Variants in ADAMTSL3 observed in about 807,000 individuals in gnomAD.
The protein encoded by ADAMTSL3 is ADAMTS-like protein 3.
A neutral mutation model predicts 201.7 loss-of-function variants in ADAMTSL3; 128 were observed. That is an observed-to-expected ratio of 0.63 (90% confidence interval 0.55 to 0.73). The LOEUF is 0.73. ADAMTSL3 is among the 30% of genes least tolerant of loss of function. The pLI, the probability that ADAMTSL3 is intolerant of heterozygous loss-of-function variation, is 0.00. For synonymous variants in ADAMTSL3, 738 were observed against 748.4 expected, an observed-to-expected ratio of 0.99 and a Z score of 0.23; for missense variants, 1,990 against 2,119.6, an observed-to-expected ratio of 0.94 and a Z score of 1.20.
rs2065362660 is a variant in ADAMTSL3, at chr15:83,885,214, T to G, written c.1072+2T>G. ...CCTGCACTGTGACGTGTGGAGGAGGTGAGGCCCAGGCTTTGTTCATGAATA... is the reference window on the plus strand; with the variant it reads ...CCTGCACTGTGACGTGTGGAGGAGGGGAGGCCCAGGCTTTGTTCATGAATA... On this transcript the variant is annotated splice_donor_variant, in intron 10 of 29. Coordinates refer to ENST00000286744, the MANE Select transcript of ADAMTSL3 (RefSeq NM_207517.3). LOFTEE classifies it high-confidence loss of function. 1 of 1,601,574 alleles carries G rather than the reference T, an allele frequency of 6.2e-7. No homozygotes were observed. The highest frequency in any genetic ancestry group is 8.6e-7 in the Non-Finnish European group (1 of 1,168,906).
chr15:83,665,367 G>A (rs1340091873), intron 2 of ADAMTSL3, among the ~76,000 whole-genome samples: 2 of 152,146 alleles, frequency 1.3e-5, no homozygotes, highest in East Asian at 3.9e-4. Flanking sequence ...TCGGGGGAAG[G>A]TGAGGCACTG....
chr15:83,707,555 G>A (rs2073125564), intron 3 of ADAMTSL3, among the ~76,000 whole-genome samples: 1 of 152,116 alleles, frequency 6.6e-6, no homozygotes, highest in Admixed American at 6.5e-5. Flanking sequence ...TCAAGAAAAT[G>A]AACATTTCTA....
At chr15:83,736,104 TA>T (rs1366042937) in intron 3 of ADAMTSL3, among the ~76,000 whole-genome samples, 5 of 152,134 alleles carry the variant, frequency 3.3e-5, no homozygotes, top group Non-Finnish European at 7.3e-5. Flanking sequence ...CCACCCTGTG[TA>T]ATAAGCTAGT....
intron 19 of ADAMTSL3, among the ~76,000 whole-genome samples, chr15:83,970,112 T>TA (rs994865046): frequency 2.0e-5 from 3 of 149,990 alleles, no homozygotes; most frequent in Non-Finnish European, 4.4e-5. Context: ...AAAATGAAAA[T>TA]AAAAAATGAA....
intron 20 of ADAMTSL3, among the ~76,000 whole-genome samples, chr15:83,971,362 C>A (rs1158163184): frequency 6.6e-6 from 1 of 151,890 alleles, no homozygotes; most frequent in Non-Finnish European, 1.5e-5. Context: ...TCAAGACCAT[C>A]CTGGCTAACA....
intron 17 of ADAMTSL3, among the ~76,000 whole-genome samples, chr15:83,924,724 T>G (rs1338978499): frequency 6.6e-6 from 1 of 152,190 alleles, no homozygotes; most frequent in Admixed American, 6.5e-5. Context: ...GGGTGATAAC[T>G]GAACATCATT....
chr15:84,028,752 T>C (rs2068353336), intron 27 of ADAMTSL3, among the ~76,000 whole-genome samples: 1 of 152,180 alleles, frequency 6.6e-6, no homozygotes, highest in South Asian at 2.1e-4. Context: ...CCAGATCTCA[T>C]CTTGAATTAT....
intron 17 of ADAMTSL3, among the ~76,000 whole-genome samples, chr15:83,939,127 AC>A (rs2066510856): frequency 6.6e-6 from 1 of 152,130 alleles, no homozygotes; most frequent in South Asian, 2.1e-4. Context: ...CCTAGAATAA[AC>A]CCAGATTGGT....
At chr15:83,699,948 A>G (rs1343329652) in intron 2 of ADAMTSL3, among the ~76,000 whole-genome samples, 2 of 152,156 alleles carry the variant, frequency 1.3e-5, no homozygotes, top group Non-Finnish European at 2.9e-5. Context: ...AGAACTTAGA[A>G]TGTTAGTTTT....
At chr15:83,862,089 GA>G (rs1245298159) in intron 8 of ADAMTSL3, 1 of 152,112 alleles carries the variant, frequency 6.6e-6, no homozygotes, top group Non-Finnish European at 1.5e-5. Context: ...AAAAGAAATG[GA>G]CAAAGCATCC....
chr15:83,942,541 G>A, intron 17 of ADAMTSL3, 55 bp from the exon 18 acceptor site: 1 of 1,536,796 alleles, frequency 6.5e-7, no homozygotes, highest in Non-Finnish European at 8.8e-7. Context: ...TGCTCTGATG[G>A]TTGCACGTTG....
At chr15:83,785,135 C>T (rs1450639495) in intron 4 of ADAMTSL3, among the ~76,000 whole-genome samples, 4 of 152,146 alleles carry the variant, frequency 2.6e-5, no homozygotes, top group African/African-American at 9.7e-5. Flanking sequence ...ATATGAATCA[C>T]CTAGGCATCT....
chr15:83,748,505 G>A (rs2062584586), intron 3 of ADAMTSL3, among the ~76,000 whole-genome samples: 2 of 151,814 alleles, frequency 1.3e-5, no homozygotes, highest in South Asian at 4.2e-4. Context: ...ACAAAAAGTA[G>A]CCAGGCATGG....
At chr15:84,019,343 C>T (rs891200436) in intron 25 of ADAMTSL3, among the ~76,000 whole-genome samples, 1 of 151,954 alleles carries the variant, frequency 6.6e-6, no homozygotes, top group Non-Finnish European at 1.5e-5. Flanking sequence ...TTTAGCAGCT[C>T]CTAAAAAAGT....
intron 3 of ADAMTSL3, among the ~76,000 whole-genome samples, chr15:83,766,920 C>G (rs1297029706): frequency 6.6e-6 from 1 of 152,080 alleles, no homozygotes; most frequent in African/African-American, 2.4e-5. Context: ...CATGGTGAAA[C>G]CCTGTCTCTA....
At chr15:83,705,194 T>C (rs1435465799) in intron 3 of ADAMTSL3, among the ~76,000 whole-genome samples, 1 of 152,192 alleles carries the variant, frequency 6.6e-6, no homozygotes, top group African/African-American at 2.4e-5. Context: ...AATGCAAAGC[T>C]GGTAAAGCCT....
At chr15:83,918,084 G>A in intron 16 of ADAMTSL3, among the ~76,000 whole-genome samples, 1 of 152,060 alleles carries the variant, frequency 6.6e-6, no homozygotes, top group East Asian at 1.9e-4. Flanking sequence ...CTAAGTAAAT[G>A]ATCATCTGCT....
chr15:83,960,148 A>G (rs962266942), intron 19 of ADAMTSL3, among the ~76,000 whole-genome samples: 19 of 152,200 alleles, frequency 1.2e-4, no homozygotes, highest in African/African-American at 4.6e-4. Flanking sequence ...GCTTTTGTCT[A>G]TACTGAAAAA....
At chr15:83,843,893 G>A (rs777862747) in intron 7 of ADAMTSL3, among the ~76,000 whole-genome samples, 1 of 152,234 alleles carries the variant, frequency 6.6e-6, no homozygotes, top group Non-Finnish European at 1.5e-5. Flanking sequence ...TGTTCAGAGG[G>A]AGGAGGAGAG....
Sources: gnomAD v4.1 joint callset for allele counts (sites outside exome capture counted in the v4.1 genomes callset) on GRCh38, gnomAD v4.1.1 for gene constraint, MANE v1.5 for transcripts, NCBI Gene and HGNC (gene_info 2026-07-23, HGNC 2026-07-21) for gene names.